Variants in LRP1B observed in about 807,000 individuals in gnomAD.
LRP1B encodes low-density lipoprotein receptor-related protein 1B.
Under a neutral mutation model 556.6 loss-of-function variants are expected in LRP1B, and 217 were observed. The observed-to-expected ratio is 0.39, with a 90% confidence interval of 0.35 to 0.44. The LOEUF is 0.44. LRP1B is among the 20% of genes least tolerant of loss of function. The pLI is 1.00. For synonymous variants in LRP1B, 2,047 were observed against 1,865.8 expected, an observed-to-expected ratio of 1.10 and a Z score of -2.50; for missense variants, 5,053 against 5,620.8, an observed-to-expected ratio of 0.90 and a Z score of 3.23.
At chr2:140,425,417 C>T (rs1036770679) in intron 66 of LRP1B, among the ~76,000 whole-genome samples, 6 of 151,902 alleles carry the variant, frequency 3.9e-5, no homozygotes, top group African/African-American at 1.5e-4. Flanking sequence ...CCCCCAGCCC[C>T]GCCGAGACAG....
At chr2:140,272,258 A>AACACACACACACACACACACACACAC (rs10654741) in intron 85 of LRP1B, among the ~76,000 whole-genome samples, 1 of 149,320 alleles carries the variant, frequency 6.7e-6, no homozygotes, top group African/African-American at 2.5e-5. Context: ...TGCACACACA[A>AACACACACACACACACACACACACAC]ACACACACAC....
intron 3 of LRP1B, among the ~76,000 whole-genome samples, chr2:141,356,788 A>G (rs1171597971): frequency 1.3e-5 from 2 of 152,128 alleles, no homozygotes; most frequent in Non-Finnish European, 2.9e-5. Context: ...AATATTGCAT[A>G]GCCAAAGGTA....
chr2:141,994,397 A>G (rs1329195747), intron 1 of LRP1B, among the ~76,000 whole-genome samples: 2 of 152,220 alleles, frequency 1.3e-5, no homozygotes, highest in Non-Finnish European at 2.9e-5. Flanking sequence ...GAAATTCACG[A>G]AAGTCGATCG....
intron 7 of LRP1B, among the ~76,000 whole-genome samples, chr2:141,179,801 G>GA (rs1415342780): frequency 6.6e-6 from 1 of 150,528 alleles, no homozygotes; most frequent in Non-Finnish European, 1.5e-5. Flanking sequence ...GGGCTCAAGG[G>GA]AAAAATATCA....
chr2:141,030,811 A>G (rs1350729286), intron 11 of LRP1B, among the ~76,000 whole-genome samples: 3 of 152,062 alleles, frequency 2.0e-5, no homozygotes, highest in Admixed American at 6.6e-5. Flanking sequence ...AATAATAAAG[A>G]AAAAATAAAA....
chr2:142,092,680 T>C lies in LRP1B; in HGVS notation c.82+37968A>G, dbSNP rs565723707. The stretch of plus-strand genomic sequence containing the variant: ...TGTATGGGACTCTTACTACATATTA[T>C]ATAGGTTTTAATGGTAGGAAAATAA... On this transcript the variant is annotated intron_variant, in intron 1 of 90. Transcript: ENST00000389484. Among the ~76,000 whole-genome samples the C allele has an allele frequency of 1.6e-4, 25 of 152,020 alleles. 1 individual carries two copies. Among genetic ancestry groups the C allele is most frequent in the South Asian group, 1.5e-3 (7 of 4,822 alleles).
intron 2 of LRP1B, among the ~76,000 whole-genome samples, chr2:141,730,538 C>A (rs878899104): frequency 7.9e-5 from 12 of 152,082 alleles, no homozygotes; most frequent in Non-Finnish European, 1.5e-4. Context: ...AATTTCTTGT[C>A]CAAGTCAGAT....
chr2:140,785,979 G>A (rs566901255), intron 32 of LRP1B, among the ~76,000 whole-genome samples: 5 of 152,126 alleles, frequency 3.3e-5, no homozygotes, highest in African/African-American at 4.8e-5. Context: ...CATCTTCCCC[G>A]TAGAAACTGC....
intron 1 of LRP1B, among the ~76,000 whole-genome samples, chr2:142,057,624 T>G (rs1704726167): frequency 6.6e-6 from 1 of 152,200 alleles, no homozygotes; most frequent in Non-Finnish European, 1.5e-5. Context: ...CACACACTAT[T>G]TTTTTCCAAT....
At chr2:141,125,091 C>T (rs1701167406) in intron 7 of LRP1B, among the ~76,000 whole-genome samples, 1 of 152,034 alleles carries the variant, frequency 6.6e-6, no homozygotes. Flanking sequence ...TGGCTTAAAA[C>T]AATAGAACTT....
At chr2:140,916,995 T>A (rs1482427482) in intron 21 of LRP1B, among the ~76,000 whole-genome samples, 3 of 152,180 alleles carry the variant, frequency 2.0e-5, no homozygotes, top group East Asian at 1.9e-4. Context: ...TACAGAAATA[T>A]CATGTTTGCA....
intron 2 of LRP1B, among the ~76,000 whole-genome samples, chr2:141,659,652 T>TC (rs1032656344): frequency 3.3e-5 from 5 of 152,080 alleles, no homozygotes; most frequent in African/African-American, 1.2e-4. Context: ...AATGGCATAC[T>TC]CCTTCCTTGG....
intron 2 of LRP1B, among the ~76,000 whole-genome samples, chr2:141,512,176 G>A (rs1484943376): frequency 1.3e-5 from 2 of 152,046 alleles, no homozygotes; most frequent in Non-Finnish European, 2.9e-5. Context: ...ATGACAAATA[G>A]GTAAAATTTA....
chr2:141,710,391 A>G (rs554356162), intron 2 of LRP1B, among the ~76,000 whole-genome samples: 28 of 152,118 alleles, frequency 1.8e-4, no homozygotes, highest in Admixed American at 7.2e-4. Context: ...TAACATTATC[A>G]TTATTTATCT....
chr2:140,897,107 G>A (rs1369750761), intron 23 of LRP1B, among the ~76,000 whole-genome samples: 1 of 152,112 alleles, frequency 6.6e-6, no homozygotes, highest in African/African-American at 2.4e-5. Flanking sequence ...ACTTAAAAAT[G>A]TTTCATTGTA....
intron 2 of LRP1B, among the ~76,000 whole-genome samples, chr2:141,739,079 C>T (rs1305674554): frequency 6.6e-6 from 1 of 151,890 alleles, no homozygotes; most frequent in Non-Finnish European, 1.5e-5. Context: ...GCAACAAAAG[C>T]AAAAAGCTAA....
intron 2 of LRP1B, among the ~76,000 whole-genome samples, chr2:141,586,797 C>G (rs1473757575): frequency 6.6e-6 from 1 of 151,958 alleles, no homozygotes; most frequent in Non-Finnish European, 1.5e-5. Context: ...AAAAAATTAG[C>G]CGGGCATGGT....
intron 41 of LRP1B, among the ~76,000 whole-genome samples, chr2:140,602,988 C>T (rs34363944): frequency 0.41 from 62,048 of 151,798 alleles, 12,949 homozygotes; most frequent in Middle Eastern, 0.5. Context: ...CCCCCATTCA[C>T]CTGATTCCAA....
chr2:142,115,972 T>C (rs2105003345), intron 1 of LRP1B, among the ~76,000 whole-genome samples: 1 of 141,968 alleles, frequency 7.0e-6, no homozygotes, highest in East Asian at 2.0e-4. Flanking sequence ...ATCCCAGCAC[T>C]TTGGGAGGCC....
Sources: allele counts gnomAD v4.1 joint callset (sites outside exome capture counted in the v4.1 genomes callset), GRCh38; gene constraint gnomAD v4.1.1; transcripts MANE v1.5; gene names NCBI Gene and HGNC (gene_info 2026-07-23, HGNC 2026-07-21).